Variants in RAP1GAP observed in about 807,000 individuals in gnomAD.
RAP1GAP encodes rap1 GTPase-activating protein 1.
In RAP1GAP, 35 loss-of-function variants were observed where a neutral mutation model predicts 87.2. The observed-to-expected ratio is 0.40, with a 90% CI of 0.31 to 0.53. The LOEUF (loss-of-function observed/expected upper bound fraction) is 0.53. Ranked by LOEUF, RAP1GAP falls within the 20% of genes least tolerant of loss-of-function variation. The probability of loss-of-function intolerance (pLI) is 0.48; values close to 1 mark genes in which losing one functional copy is unlikely to be tolerated. For missense variants in RAP1GAP, 734 were observed against 898.9 expected (o/e 0.82, Z 2.35); for synonymous variants, 375 against 363.9 (o/e 1.03, Z -0.35).
At chr1:21,627,413 T>TTC (rs2092571820) in intron 2 of RAP1GAP, among the ~76,000 whole-genome samples, 1 of 148,774 alleles carries the variant, frequency 6.7e-6, no homozygotes. Context: ...CTTCTTCTTT[T>TTC]TTTTTTTTTT....
At chr1:21,658,731 A>T (rs755393879) in intron 1 of RAP1GAP, among the ~76,000 whole-genome samples, 6 of 151,962 alleles carry the variant, frequency 3.9e-5, no homozygotes, top group Non-Finnish European at 7.4e-5. Context: ...GATAATTTTA[A>T]TTTTTTTAAA....
Position 21,615,328 on chromosome 1 carries a change from C to T in RAP1GAP, c.292-1239G>A, listed in dbSNP as rs1376085096. Among the ~76,000 whole-genome samples, 2 of 152,202 alleles carry T rather than the reference C, an allele frequency of 1.3e-5. No homozygotes were observed. Among genetic ancestry groups the T allele is most frequent in the African/African-American group, 4.8e-5 (2 of 41,442 alleles). On this transcript the variant is annotated intron_variant, in intron 7 of 24. Coordinates refer to ENST00000374765, the MANE Select transcript of RAP1GAP (RefSeq NM_002885.4). The surrounding 1 kb of genome is among the most constrained non-coding windows in gnomAD (Gnocchi z 4.5). ...TACCCCACCTGGAGTCAGGAAGGGG[C>T]CCTGCCATTCTGCCAGCCCTGGGGC...
At chr1:21,656,910 A>G (rs2096889080) in intron 1 of RAP1GAP, among the ~76,000 whole-genome samples, 1 of 152,194 alleles carries the variant, frequency 6.6e-6, no homozygotes, top group African/African-American at 2.4e-5. Context: ...ACCCAGGTGT[A>G]CGGTCTTTCA....
At chr1:21,638,709 A>C (rs186196578) in intron 2 of RAP1GAP, among the ~76,000 whole-genome samples, 3 of 152,310 alleles carry the variant, frequency 2.0e-5, no homozygotes, top group East Asian at 3.9e-4. Context: ...TATAATGAAC[A>C]CTTAGTATTT....
In RAP1GAP at chr1:21,609,000, G is replaced by A. The variant is rs1002852745; in HGVS notation, c.1072-64C>T. On this transcript the variant is annotated intron_variant, in intron 15 of 24. Coordinates refer to ENST00000374765, the MANE Select transcript of RAP1GAP (RefSeq NM_002885.4). ...TTGAGATGACACATAAACAAGGGTC[G>A]GAACCCCAACGAGGCAGAGGCTGCA... The A allele has an allele frequency of 3.7e-5, 52 of 1,398,032 alleles. No homozygotes were observed. In the Middle Eastern group the frequency reaches 5.3e-4, roughly 14 times the overall value. The allele number at this position is 1,398,032 out of a possible 1,614,324, so 86.6% of individuals were successfully genotyped here.
intron 3 of RAP1GAP, among the ~76,000 whole-genome samples, chr1:21,623,971 GTCTT>G (rs772523896): frequency 6.6e-6 from 1 of 152,240 alleles, no homozygotes; most frequent in Non-Finnish European, 1.5e-5. Flanking sequence ...TGGGCATACT[GTCTT>G]TCTGTGTGTA....
At chr1:21,629,218 G>A (rs2093179030) in intron 2 of RAP1GAP, among the ~76,000 whole-genome samples, 1 of 152,182 alleles carries the variant, frequency 6.6e-6, no homozygotes, top group South Asian at 2.1e-4. Flanking sequence ...AAGTCCTGGG[G>A]TAGAAGCCCG....
intron 1 of RAP1GAP, among the ~76,000 whole-genome samples, chr1:21,657,809 C>G (rs936420597): frequency 9.2e-5 from 14 of 152,244 alleles, no homozygotes; most frequent in African/African-American, 3.1e-4. Context: ...CACTTCTGGC[C>G]TCTGCTGGTT....
chr1:21,619,539 C>G (rs980515895), intron 4 of RAP1GAP, among the ~76,000 whole-genome samples: 1 of 152,062 alleles, frequency 6.6e-6, no homozygotes, highest in Non-Finnish European at 1.5e-5. Flanking sequence ...CCAGCACCCC[C>G]GGCCCACCTC....
At chr1:21,641,074 A>ATTTTTTTTT (rs546229041) in intron 2 of RAP1GAP, among the ~76,000 whole-genome samples, 2 of 132,132 alleles carry the variant, frequency 1.5e-5, no homozygotes, top group Non-Finnish European at 3.1e-5. Flanking sequence ...CGCCCAGCTA[A>ATTTTTTTTT]TTTTTTTTTT....
At chr1:21,623,948 G>T (rs969160105) in intron 3 of RAP1GAP, among the ~76,000 whole-genome samples, 1 of 152,250 alleles carries the variant, frequency 6.6e-6, no homozygotes, top group African/African-American at 2.4e-5. Flanking sequence ...GACCGGATGT[G>T]GCTGTATGTA....
chr1:21,636,447 G>C (rs766769924), intron 2 of RAP1GAP, among the ~76,000 whole-genome samples: 1 of 152,182 alleles, frequency 6.6e-6, no homozygotes, highest in Non-Finnish European at 1.5e-5. Context: ...TGAGGACTGA[G>C]ACAAGACTCC....
Position 21,634,870 on chromosome 1 carries a change from T to G in RAP1GAP, c.-112-8473A>C. The G allele has an allele frequency of 4.1e-6, 1 of 243,412 alleles. No individual in the cohort carries two copies. Among genetic ancestry groups the G allele is most frequent in the Non-Finnish European group, 9.5e-6 (1 of 105,184 alleles). The allele number at this position is 243,412 out of a possible 1,614,324, so 15.1% of individuals were successfully genotyped here. Reference sequence around the variant, plus strand: ...GAGGACTTCAGTGTGGACTGACTCCTCCCCTGCACTGGGGTAAGGAGGAGG... The same window carrying G: ...GAGGACTTCAGTGTGGACTGACTCCGCCCCTGCACTGGGGTAAGGAGGAGG... On this transcript the variant is annotated intron_variant, in intron 2 of 24. Coordinates refer to ENST00000374765, the MANE Select transcript of RAP1GAP (RefSeq NM_002885.4). This position sits in a 1 kb window ranked among gnomAD's most constrained non-coding sequence, Gnocchi z 4.1.
In RAP1GAP at chr1:21,634,659, C is replaced by A; in HGVS notation, c.-112-8262G>T. 1 of 282,320 alleles carries A rather than the reference C, an allele frequency of 3.5e-6. No individual in the cohort carries two copies. The highest frequency in any genetic ancestry group is 2.6e-5 in the South Asian group (1 of 38,230). The allele number at this position is 282,320 out of a possible 1,614,324, so 17.5% of individuals were successfully genotyped here. A position where few individuals can be genotyped will look rare whatever the true frequency, so the allele number is the denominator to read the frequency against. ...ACCCGGATCCCGGAGCTGGGCCAGG[C>A]AGAGGCCTCCTGAACAAATAACAGG... On this transcript the variant is annotated intron_variant, in intron 2 of 24. Transcript: ENST00000374765. This position sits in a 1 kb window ranked among gnomAD's most constrained non-coding sequence, Gnocchi z 4.1.
At chr1:21,633,548 G>T (rs972588731) in intron 2 of RAP1GAP, among the ~76,000 whole-genome samples, 17 of 152,144 alleles carry the variant, frequency 1.1e-4, no homozygotes, top group African/African-American at 3.9e-4. Flanking sequence ...TGGGGATCTG[G>T]ACAGGTGACA....
Position 21,668,305 on chromosome 1 carries a change from T to G in RAP1GAP, c.-149+949A>C, listed in dbSNP as rs1236610384. On this transcript the variant is annotated intron_variant, in intron 1 of 24. Transcript: ENST00000374765. The surrounding 1 kb of genome is among the most constrained non-coding windows in gnomAD (Gnocchi z 6.2). ...CCCTCCTGCCTCAGTGCCCCTTCCC[T>G]CAGTGTCCTTCCTGCCTGCCGCCCC... Among the ~76,000 whole-genome samples the G allele has an allele frequency of 1.3e-5, 2 of 152,024 alleles. No individual in the cohort carries two copies. Among genetic ancestry groups the G allele is most frequent in the Non-Finnish European group, 2.9e-5 (2 of 67,978 alleles).
At chr1:21,653,611 C>T (rs1211881032) in intron 1 of RAP1GAP, among the ~76,000 whole-genome samples, 11 of 150,736 alleles carry the variant, frequency 7.3e-5, no homozygotes, top group African/African-American at 2.7e-4. Context: ...TCCCTCCCTC[C>T]TTCCTAAGTA....
rs747294219 is a variant in RAP1GAP, at chr1:21,611,479, C to G, written c.816G>C (p.Leu272=). The G allele has an allele frequency of 6.2e-7, 1 of 1,614,154 alleles. No homozygotes were observed. ...KEIMFHVSTK[L]PYTEGDAQQL... is the part of the protein sequence containing the mutation. ...GCTGGGCGTCCCCTTCCGTGTATGG[C>G]AGCTTGGTGGACACGTGAAACATGA... Residue 272 remains leucine, a synonymous_variant, in exon 13 of 25, where the codon CTG becomes CTC. Coordinates refer to ENST00000374765, the MANE Select transcript of RAP1GAP (RefSeq NM_002885.4).
chr1:21,643,834 A>G (rs2095778978), intron 2 of RAP1GAP, among the ~76,000 whole-genome samples: 1 of 152,232 alleles, frequency 6.6e-6, no homozygotes, highest in Admixed American at 6.5e-5. Context: ...AAGGCCACAC[A>G]GCAAGTAAGT....
Sources: allele counts gnomAD v4.1 joint callset (sites outside exome capture counted in the v4.1 genomes callset), GRCh38; gene constraint gnomAD v4.1.1; non-coding constraint Gnocchi (gnomAD v3.1); transcripts MANE v1.5; gene names NCBI Gene and HGNC (gene_info 2026-07-23, HGNC 2026-07-21).